Variants in ADAR observed in about 807,000 individuals in gnomAD.
ADAR encodes adenosine deaminase RNA specific, also known as double-stranded RNA-specific adenosine deaminase.
Under a neutral mutation model 113.2 loss-of-function variants are expected in ADAR, and 41 were observed. The ratio of observed to expected loss-of-function variants is 0.36; its 90% CI spans 0.28 to 0.47. ADAR has a LOEUF of 0.47. Among genes scored for constraint, ADAR ranks in the 20% least tolerant of loss-of-function variants. ADAR has a pLI of 1.00. For missense variants in ADAR, 1,242 were observed against 1,540.9 expected (o/e 0.81, Z 3.25); for synonymous variants, 605 against 572.6 (o/e 1.06, Z -0.81).
chr1:154,585,958 T>C (rs993755701), intron 12 of ADAR, 93 bp from the exon 13 acceptor site: 3 of 1,296,342 alleles, frequency 2.3e-6, no homozygotes, highest in African/African-American at 2.9e-5. Context: ...GTACAAGATA[T>C]AGTTGTCAAG....
In ADAR at chr1:154,602,093, G is replaced by C. The variant is rs1370687107; in HGVS notation, c.549C>G (p.Gly183=). ...GTGTTCCTGCCTCTTTCTGTAGCTTGCCCTTCTTTGCCAGGGAGTATAAAA... is the reference window on the plus strand; with the variant it reads ...GTGTTCCTGCCTCTTTCTGTAGCTTCCCCTTCTTTGCCAGGGAGTATAAAA... ...NRVLYSLAKK[G]KLQKEAGTPP... Residue 183 remains glycine (G), a synonymous_variant, in exon 2 of 15, where the codon GGC becomes GGG. Transcript: ENST00000368474. 4.3e-6 allele frequency: 7 copies of C among 1,614,206 alleles called. No homozygotes were observed. The highest frequency in any genetic ancestry group is 5.9e-6 in the Non-Finnish European group (7 of 1,180,024).
chr1:154,588,726 T>C (rs931211599), intron 9 of ADAR, 53 bp from the exon 10 acceptor site: 2 of 1,612,014 alleles, frequency 1.2e-6, no homozygotes, highest in Middle Eastern at 3.3e-4. Flanking sequence ...GGAAAAGCAG[T>C]TGTTTCTATA....
At chr1:154,614,032 T>A (rs574373269) in intron 1 of ADAR, among the ~76,000 whole-genome samples, 9 of 152,182 alleles carry the variant, frequency 5.9e-5, no homozygotes, top group African/African-American at 1.9e-4. Context: ...AAAGTGGTAT[T>A]TATCAACTAG....
At chr1:154,611,461 T>A (rs570655779), upstream of ADAR, among the ~76,000 whole-genome samples, 11 of 152,238 alleles carry the variant, frequency 7.2e-5, no homozygotes, top group East Asian at 7.7e-4. Context: ...GAGGTGATGA[T>A]GTCTTTTTTT....
At chr1:154,599,940 CA>C (rs1697753501) in intron 2 of ADAR, among the ~76,000 whole-genome samples, 1 of 152,208 alleles carries the variant, frequency 6.6e-6, no homozygotes, top group Admixed American at 6.5e-5. Context: ...CCTTTCCCCC[CA>C]GGAGCTATGC....
intron 1 of ADAR, among the ~76,000 whole-genome samples, chr1:154,617,089 A>C (rs1698653258): frequency 6.6e-6 from 1 of 152,234 alleles, no homozygotes; most frequent in African/African-American, 2.4e-5. Context: ...TGACTCATAG[A>C]CATAGTGAGA....
rs1696631613 is a variant in ADAR, at chr1:154,584,744, T to G, written c.*62A>C. ...CCCCTGACCATGTGATGAGGAATGCTACGACCTACCTCTCTCACACCCTAG... is the reference window on the plus strand; with the variant it reads ...CCCCTGACCATGTGATGAGGAATGCGACGACCTACCTCTCTCACACCCTAG... On this transcript the variant is annotated 3_prime_UTR_variant, in exon 15 of 15. Coordinates refer to ENST00000368474, the MANE Select transcript of ADAR (RefSeq NM_001111.5). 1 of 1,388,590 alleles carries G rather than the reference T, an allele frequency of 7.2e-7. No homozygotes were observed. The highest frequency in any genetic ancestry group is 1.7e-5 in the Admixed American group (1 of 59,256). 86.0% of individuals were successfully genotyped at this position (1,388,590 alleles called of 1,614,324 possible). A position where few individuals can be genotyped will look rare whatever the true frequency, so the allele number is the denominator to read the frequency against.
intron 1 of ADAR, among the ~76,000 whole-genome samples, chr1:154,621,912 G>T (rs1698799663): frequency 1.3e-5 from 2 of 152,186 alleles, no homozygotes; most frequent in African/African-American, 4.8e-5. Context: ...CTATTTGTAG[G>T]AGAAGTACTT....
At position 154,601,579 on chromosome 1, in the gene ADAR, A is replaced by G. The variant is rs1306875279; in HGVS notation, c.1063T>C (p.Leu355=). ...RQGTTPPIWH[L]TDKKRERMQI... Reference sequence around the variant, plus strand: ...ATCCTCTCTCGCTTCTTGTCTGTCAAATGCCATATGGGAGGGGTTGTCCCT... The same window carrying G: ...ATCCTCTCTCGCTTCTTGTCTGTCAGATGCCATATGGGAGGGGTTGTCCCT... Residue 355 remains leucine (L), a synonymous_variant, in exon 2 of 15, where the codon TTG becomes CTG. Transcript: ENST00000368474. The surrounding 1 kb of genome is among the most constrained non-coding windows in gnomAD (Gnocchi z 4.7). 6.2e-7 allele frequency: 1 copy of G among 1,612,534 alleles called. No homozygotes were observed. The highest frequency in any genetic ancestry group is 1.1e-5 in the South Asian group (1 of 91,084).
chr1:154,592,904 G>A (rs909647382), intron 6 of ADAR, among the ~76,000 whole-genome samples: 2 of 152,026 alleles, frequency 1.3e-5, no homozygotes, highest in Non-Finnish European at 2.9e-5. Context: ...GGGAGGCTGA[G>A]GCGGGTGGAT....
chr1:154,598,419 C>G lies in ADAR; in HGVS notation c.1768G>C (p.Glu590Gln), dbSNP rs772602893. 6.2e-7 allele frequency: 1 copy of G among 1,614,208 alleles called. No individual in the cohort carries two copies. The highest frequency in any genetic ancestry group is 1.7e-5 in the Admixed American group (1 of 60,036). The change falls in exon 3 of 15, where the codon GAG becomes CAG. Residue 590 changes from glutamate to glutamine, a missense_variant. Transcript: ENST00000368474. ...KSEESSHYSTEKESEKTAESQ... is the reference protein window; with the variant it reads ...KSEESSHYSTQKESEKTAESQ... Reference sequence around the variant, plus strand: ...ACACCTACCTTCTCTGATTCTTTCTCTGTGGAATAGTGGGATGATTCTTCT... The same window carrying G: ...ACACCTACCTTCTCTGATTCTTTCTGTGTGGAATAGTGGGATGATTCTTCT...
upstream of ADAR, among the ~76,000 whole-genome samples, chr1:154,609,561 TTCCCG>T (rs1364493807): frequency 4.6e-5 from 7 of 152,310 alleles, no homozygotes; most frequent in African/African-American, 1.7e-4. Flanking sequence ...CCTCCACGGC[TTCCCG>T]TGAATCAACC....
intron 4 of ADAR, 125 bp from the exon 5 acceptor site, chr1:154,597,392 C>G (rs2101621855): frequency 1.7e-6 from 2 of 1,182,604 alleles, no homozygotes; most frequent in East Asian, 5.0e-5. Context: ...TCTGTGCAGT[C>G]ACATCTCATG....
intron 6 of ADAR, among the ~76,000 whole-genome samples, chr1:154,595,571 T>C (rs1187593005): frequency 6.6e-6 from 1 of 152,150 alleles, no homozygotes; most frequent in Non-Finnish European, 1.5e-5. Flanking sequence ...AAAGGAAATA[T>C]TTTTGGATAG....
chr1:154,584,846 T>C lies in ADAR; in HGVS notation c.3641A>G (p.Lys1214Arg). The change falls in exon 15 of 15, where the codon AAA becomes AGA. Residue 1214 changes from lysine to arginine, a missense_variant. Coordinates refer to ENST00000368474, the MANE Select transcript of ADAR (RefSeq NM_001111.5). ...ATAAAAGTTCTTTTCCTCCTGGGGT[T>C]TGCTAATCCAGTTCCCATAGCCCAT... ...KDMGYGNWIS[K>R]PQEEKNFYLC... The C allele has an allele frequency of 1.2e-6, 2 of 1,614,198 alleles. No individual in the cohort carries two copies. Among genetic ancestry groups the C allele is most frequent in the African/African-American group, 1.3e-5 (1 of 75,044 alleles).
intron 2 of ADAR, 191 bp downstream of exon 2, chr1:154,600,850 G>T: frequency 1.3e-6 from 1 of 766,836 alleles, no homozygotes; most frequent in Non-Finnish European, 2.1e-6. Flanking sequence ...ATTCTGGCTG[G>T]TCCAAGGTCT....
At position 154,590,272 on chromosome 1, in the gene ADAR, C is replaced by G. The variant is rs1223985604; in HGVS notation, c.2408G>C (p.Gly803Ala). 1 of 1,614,026 alleles carries G rather than the reference C, an allele frequency of 6.2e-7. No homozygotes were observed. Among genetic ancestry groups the G allele is most frequent in the Non-Finnish European group, 8.5e-7 (1 of 1,180,020 alleles). Residue 803 changes from glycine to alanine, a missense_variant, in exon 7 of 15, where the codon GGT becomes GCT. Around this residue, in one of 2 missense-constraint regions of ADAR, gnomAD observed 780 missense variants for 1,057.9 expected, o/e 0.74. Coordinates refer to ENST00000368474, the MANE Select transcript of ADAR (RefSeq NM_001111.5). ...TGTCACTGGGGTTACCTCTGTGAAACCCATGCGTTCTGCCTTCTCGTTCTC... is the reference window on the plus strand; with the variant it reads ...TGTCACTGGGGTTACCTCTGTGAAAGCCATGCGTTCTGCCTTCTCGTTCTC... ...IGENEKAERM[G>A]FTEVTPVTGA...
intron 12 of ADAR, 40 bp downstream of exon 12, chr1:154,586,141 A>G (rs770001926): frequency 5.0e-6 from 8 of 1,611,634 alleles, no homozygotes; most frequent in South Asian, 2.2e-5. Context: ...TGGGCACAAG[A>G]AGGACAGACC....
At position 154,598,487 on chromosome 1, in the gene ADAR, G is replaced by C. The variant is rs1205545887; in HGVS notation, c.1700C>G (p.Thr567Arg). The C allele has an allele frequency of 2.5e-6, 4 of 1,614,208 alleles. No individual in the cohort carries two copies. In the South Asian group the frequency reaches 3.3e-5, roughly 13 times the overall value. The part of the protein sequence containing the change: ...AKQDAAMKAM[T>R]ILLEEAKAKD... ...GGCTTTGGCTTCCTCTAGCAGAATT[G>C]TCATGGCTTTCATAGCTGCATCCTG... is the stretch of plus-strand genomic sequence containing the variant. Residue 567 changes from threonine (T) to arginine (R), a missense_variant, in exon 3 of 15, where the codon ACA (threonine) becomes AGA (arginine). Physicochemically the swap from Thr to Arg is moderately conservative, Grantham distance 71 (BLOSUM62 -1). Coordinates refer to ENST00000368474, the MANE Select transcript of ADAR (RefSeq NM_001111.5).
Sources: allele counts gnomAD v4.1 joint callset (sites outside exome capture counted in the v4.1 genomes callset), GRCh38; gene constraint gnomAD v4.1.1; regional missense constraint gnomAD v4.1.1; non-coding constraint Gnocchi (gnomAD v3.1); transcripts MANE v1.5; gene names NCBI Gene and HGNC (gene_info 2026-07-23, HGNC 2026-07-21).